The following CREB3L2 variants were observed in gnomAD, a reference collection of about 807,000 sequenced individuals.
CREB3L2 encodes cAMP responsive element binding protein 3 like 2.
CREB3L2 carries 23 observed loss-of-function variants against 57.2 expected under a neutral mutation model. The observed-to-expected ratio is 0.40, with a 90% CI of 0.29 to 0.57. The LOEUF (loss-of-function observed/expected upper bound fraction) is 0.57. CREB3L2 is among the 20% of genes least tolerant of loss of function. The probability of loss-of-function intolerance (pLI) is 0.42; values close to 1 mark genes in which losing one functional copy is unlikely to be tolerated. For synonymous variants in CREB3L2, 268 were observed against 265.1 expected (o/e 1.01, Z -0.11); for missense variants, 628 against 634.7 (o/e 0.99, Z 0.11).
chr7:137,992,264 T>A (rs1035095499), intron 1 of CREB3L2, among the ~76,000 whole-genome samples: 3 of 152,108 alleles, frequency 2.0e-5, no homozygotes, highest in Non-Finnish European at 4.4e-5. Flanking sequence ...CCCCACAGGA[T>A]GCCACAGAGG....
chr7:137,968,569 C>T (rs921369584), intron 1 of CREB3L2, among the ~76,000 whole-genome samples: 6 of 152,180 alleles, frequency 3.9e-5, no homozygotes, highest in African/African-American at 1.2e-4. Flanking sequence ...CATAGTATTC[C>T]ATGGTGTATA....
chr7:137,935,559 C>T (rs1456512600), intron 1 of CREB3L2, among the ~76,000 whole-genome samples: 1 of 152,176 alleles, frequency 6.6e-6, no homozygotes, highest in African/African-American at 2.4e-5. Context: ...ACTTAAATAT[C>T]TTATCACTAG....
chr7:137,937,823 C>CAA (rs3087067), intron 1 of CREB3L2, among the ~76,000 whole-genome samples: 6 of 135,124 alleles, frequency 4.4e-5, no homozygotes, highest in African/African-American at 1.7e-4. Flanking sequence ...GGCTTATTAC[C>CAA]AAAAAAAAAA....
At chr7:137,952,499 T>G (rs1297240777) in intron 1 of CREB3L2, among the ~76,000 whole-genome samples, 1 of 152,224 alleles carries the variant, frequency 6.6e-6, no homozygotes, top group Non-Finnish European at 1.5e-5. Flanking sequence ...TTTTGTCATC[T>G]TCACTGCATT....
At chr7:137,912,342 A>C (rs1053845752) in intron 4 of CREB3L2, among the ~76,000 whole-genome samples, 1 of 149,052 alleles carries the variant, frequency 6.7e-6, no homozygotes, top group Non-Finnish European at 1.5e-5. Context: ...GTGCCATTGC[A>C]CTCCAGCCTG....
rs563467981 is a variant in CREB3L2 at position 137,909,867 on chromosome 7, C to T, written c.584-1431G>A. Among the ~76,000 whole-genome samples, 13 of 152,270 alleles carry T rather than the reference C, an allele frequency of 8.5e-5. No homozygotes were observed. In the South Asian group the frequency reaches 2.7e-3, roughly 32 times the overall value. ...GCGGGAGATCATTGAATCATGGGGG[C>T]AGTTTCCCCCATACTGTTTTTGTGG... On this transcript the variant is annotated intron_variant, in intron 4 of 11. Transcript: ENST00000330387.
intron 1 of CREB3L2, among the ~76,000 whole-genome samples, chr7:137,998,783 T>A (rs573006306): frequency 5.3e-5 from 8 of 152,320 alleles, no homozygotes; most frequent in African/African-American, 1.7e-4. Flanking sequence ...AATGAAAATG[T>A]AAGGTCCCCA....
At chr7:137,985,921 G>A (rs1419942944) in intron 1 of CREB3L2, among the ~76,000 whole-genome samples, 4 of 152,056 alleles carry the variant, frequency 2.6e-5, no homozygotes, top group Non-Finnish European at 4.4e-5. Flanking sequence ...ACAATTCAGA[G>A]GTCTTATTCT....
At position 137,915,990 on chromosome 7, in the gene CREB3L2, C is replaced by T; in HGVS notation, c.342G>A (p.Trp114Ter). 5 of 1,613,008 alleles carry T rather than the reference C, an allele frequency of 3.1e-6. No individual in the cohort carries two copies. The highest frequency in any genetic ancestry group is 3.4e-6 in the Non-Finnish European group (4 of 1,179,560). Residue 114 changes from tryptophan (W) to a stop codon, truncating the protein, a stop_gained, in exon 3 of 12, where the codon TGG becomes TGA. Transcript: ENST00000330387. LOFTEE classifies it high-confidence loss of function. The stretch of plus-strand genomic sequence containing the variant: ...TTGAAGGGAAGTCTGTAGACAGGTA[C>T]CATTTCTCACTTTCCACCTCATCTG... ...FNDDEVESEK[W>*]YLSTDFPSTS...
intron 2 of CREB3L2, among the ~76,000 whole-genome samples, chr7:137,917,933 G>A (rs968172631): frequency 6.6e-6 from 1 of 152,042 alleles, no homozygotes; most frequent in Admixed American, 6.5e-5. Flanking sequence ...GAGGGCGGGG[G>A]AACAAAGGGC....
intron 2 of CREB3L2, among the ~76,000 whole-genome samples, chr7:137,923,595 A>G (rs1800383967): frequency 1.3e-5 from 2 of 152,194 alleles, no homozygotes; most frequent in Non-Finnish European, 1.5e-5. Flanking sequence ...ACCGTTATGC[A>G]CCTCATTTCT....
chr7:137,895,296 A>G (rs1330244088), intron 8 of CREB3L2, among the ~76,000 whole-genome samples: 1 of 152,220 alleles, frequency 6.6e-6, no homozygotes, highest in Non-Finnish European at 1.5e-5. Flanking sequence ...AGCCAGAAGG[A>G]TTCTCTAGCA....
At chr7:137,975,816 T>C (rs1563271177) in intron 1 of CREB3L2, among the ~76,000 whole-genome samples, 3 of 152,262 alleles carry the variant, frequency 2.0e-5, no homozygotes, top group Admixed American at 6.5e-5. Context: ...ATTCTTCTTT[T>C]AGGAAAACGG....
intron 2 of CREB3L2, chr7:137,922,603 A>G (rs1476190437): frequency 6.8e-6 from 3 of 444,176 alleles, no homozygotes; most frequent in African/African-American, 6.1e-5. Flanking sequence ...AGAAAAACAC[A>G]TACGCAGTTG....
intron 2 of CREB3L2, among the ~76,000 whole-genome samples, chr7:137,918,205 T>C (rs1044533523): frequency 3.9e-5 from 6 of 151,978 alleles, no homozygotes; most frequent in Admixed American, 2.6e-4. Context: ...CTTTTTGTTT[T>C]GTTTTGAGAC....
At chr7:137,967,473 A>G (rs550784924) in intron 1 of CREB3L2, among the ~76,000 whole-genome samples, 5 of 152,340 alleles carry the variant, frequency 3.3e-5, no homozygotes, top group Admixed American at 6.5e-5. Context: ...AAAGGAGAAC[A>G]AACACTAGGC....
intron 8 of CREB3L2, among the ~76,000 whole-genome samples, chr7:137,900,773 CA>C (rs1219517051): frequency 1.3e-5 from 2 of 151,908 alleles, no homozygotes; most frequent in African/African-American, 4.8e-5. Flanking sequence ...CACTGCATTC[CA>C]GCCTGGGCGA....
intron 1 of CREB3L2, among the ~76,000 whole-genome samples, chr7:137,967,611 G>A (rs771831139): frequency 4.6e-5 from 7 of 152,146 alleles, no homozygotes; most frequent in Non-Finnish European, 1.0e-4. Context: ...ATTTGAACCT[G>A]ATCAGACAGT....
intron 1 of CREB3L2, among the ~76,000 whole-genome samples, chr7:137,952,791 G>A (rs1384277369): frequency 2.0e-5 from 3 of 152,098 alleles, no homozygotes; most frequent in Non-Finnish European, 1.5e-5. Context: ...ACTCCAGGAG[G>A]AGTTTAAGAA....
Sources: allele counts gnomAD v4.1 joint callset (sites outside exome capture counted in the v4.1 genomes callset), GRCh38; gene constraint gnomAD v4.1.1; transcripts MANE v1.5; gene names NCBI Gene and HGNC (gene_info 2026-07-23, HGNC 2026-07-21).